The following CADM2 variants were observed in gnomAD, a reference collection of about 807,000 sequenced individuals.
The protein encoded by CADM2 is cell adhesion molecule 2.
CADM2 carries 12 observed loss-of-function variants against 49.8 expected under a neutral mutation model. The observed-to-expected ratio is 0.24, with a 90% confidence interval of 0.15 to 0.39. CADM2 has a LOEUF of 0.39. CADM2 is among the 10% of genes least tolerant of loss of function. The probability of loss-of-function intolerance (pLI) is 1.00; values close to 1 mark genes in which losing one functional copy is unlikely to be tolerated. For missense variants in CADM2, 378 were observed against 492.3 expected (o/e 0.77, Z 2.20); for synonymous variants, 214 against 175.4 (o/e 1.22, Z -1.74).
At chr3:85,838,854 ATAAAGGT>A (rs1267589829) in intron 3 of CADM2, among the ~76,000 whole-genome samples, 2 of 151,840 alleles carry the variant, frequency 1.3e-5, no homozygotes, top group East Asian at 3.9e-4. Flanking sequence ...TCAAAGGTTA[ATAAAGGT>A]TTATTGTCCT....
At chr3:85,525,160 A>C (rs2061133274) in intron 1 of CADM2, among the ~76,000 whole-genome samples, 1 of 152,190 alleles carries the variant, frequency 6.6e-6, no homozygotes, top group African/African-American at 2.4e-5. Flanking sequence ...TATAGTAAAA[A>C]ATTAAAAAAT....
chr3:85,495,734 A>C (rs2039859886), intron 1 of CADM2, among the ~76,000 whole-genome samples: 2 of 151,968 alleles, frequency 1.3e-5, no homozygotes. Flanking sequence ...GGGAGCATGC[A>C]TGTCACATGG....
At chr3:85,638,922 G>A (rs927794514) in intron 1 of CADM2, among the ~76,000 whole-genome samples, 1 of 151,888 alleles carries the variant, frequency 6.6e-6, no homozygotes, top group Non-Finnish European at 1.5e-5. Context: ...TTCTGTTTTT[G>A]TTTTGTTTTG....
chr3:85,048,052 A>C (rs1186516737), intron 1 of CADM2, among the ~76,000 whole-genome samples: 4 of 152,162 alleles, frequency 2.6e-5, no homozygotes, highest in Non-Finnish European at 5.9e-5. Context: ...TTTCGGGAAA[A>C]GAAAAATAAA....
At chr3:85,355,513 G>A (rs2031782658) in intron 1 of CADM2, among the ~76,000 whole-genome samples, 1 of 152,066 alleles carries the variant, frequency 6.6e-6, no homozygotes, top group Non-Finnish European at 1.5e-5. Context: ...GTTAACAAGA[G>A]ATTTTCATTC....
At chr3:85,392,053 A>G (rs1669374879) in intron 1 of CADM2, among the ~76,000 whole-genome samples, 1 of 152,114 alleles carries the variant, frequency 6.6e-6, no homozygotes, top group Admixed American at 6.6e-5. Flanking sequence ...TGGGGATGTG[A>G]AGGAAAAATT....
intron 2 of CADM2, among the ~76,000 whole-genome samples, chr3:85,798,895 A>C (rs1447298512): frequency 6.6e-6 from 1 of 152,132 alleles, no homozygotes; most frequent in Non-Finnish European, 1.5e-5. Context: ...GATTCTTCCT[A>C]TCCATGAGCA....
intron 1 of CADM2, among the ~76,000 whole-genome samples, chr3:85,564,417 A>G (rs752086865): frequency 1.5e-4 from 23 of 152,088 alleles, no homozygotes; most frequent in Admixed American, 2.6e-4. Flanking sequence ...TAGCACGGGT[A>G]TTTATATGGC....
rs563075844 is a variant in CADM2 at position 85,072,108 on chromosome 3, T to C, written c.61+112440T>C. ...AACTGGGTAATCTTCAATTATTAAA[T>C]GATTATTTCCAAATAATAAGATTTA... On this transcript the variant is annotated intron_variant, in intron 1 of 9. Coordinates refer to ENST00000383699, the MANE Select transcript of CADM2 (RefSeq NM_001167675.2). Among the ~76,000 whole-genome samples the C allele has an allele frequency of 1.4e-3, 217 of 151,822 alleles. 1 individual carries two copies. Among genetic ancestry groups the C allele is most frequent in the African/African-American group, 4.7e-3 (197 of 41,538 alleles).
intron 1 of CADM2, among the ~76,000 whole-genome samples, chr3:85,122,848 T>C (rs550807160): frequency 2.0e-5 from 3 of 152,100 alleles, no homozygotes; most frequent in Non-Finnish European, 4.4e-5. Context: ...TTCCATTGTA[T>C]GGCTCTTATT....
intron 1 of CADM2, among the ~76,000 whole-genome samples, chr3:85,658,576 G>GTATATATATATATATATATA (rs397990421): frequency 2.9e-5 from 2 of 68,754 alleles, no homozygotes; most frequent in Admixed American, 1.9e-4. Context: ...GGATATATGT[G>GTATATATATATATATATATA]TATATATATA....
chr3:85,457,178 T>C (rs2038029791), intron 1 of CADM2, among the ~76,000 whole-genome samples: 2 of 152,120 alleles, frequency 1.3e-5, no homozygotes, highest in South Asian at 4.1e-4. Context: ...TTTGGGAGGC[T>C]GAGGCAGGTG....
At chr3:85,658,138 C>T (rs2065268668) in intron 1 of CADM2, among the ~76,000 whole-genome samples, 1 of 152,022 alleles carries the variant, frequency 6.6e-6, no homozygotes, top group South Asian at 2.1e-4. Context: ...ATTCCATTCA[C>T]ACAGGAAGCA....
chr3:85,385,888 A>G (rs2034201404), intron 1 of CADM2: 1 of 151,310 alleles, frequency 6.6e-6, no homozygotes, highest in African/African-American at 2.4e-5. Context: ...TTATTCTGAA[A>G]AAGTTTCTAC....
intron 1 of CADM2, among the ~76,000 whole-genome samples, chr3:85,602,788 G>T (rs1269444405): frequency 3.3e-5 from 5 of 151,726 alleles, no homozygotes; most frequent in African/African-American, 1.2e-4. Flanking sequence ...ACTGGCAGAG[G>T]TGTTCATTCA....
At chr3:85,391,215 A>C (rs907943523) in intron 1 of CADM2, among the ~76,000 whole-genome samples, 3 of 152,060 alleles carry the variant, frequency 2.0e-5, no homozygotes, top group African/African-American at 7.2e-5. Context: ...TCTAGATCTT[A>C]ATGCATTGAT....
intron 3 of CADM2, among the ~76,000 whole-genome samples, chr3:85,822,985 T>C (rs561649895): frequency 5.3e-4 from 80 of 152,294 alleles, no homozygotes; most frequent in African/African-American, 1.9e-3. Flanking sequence ...GCAAAGCATG[T>C]TGCATTCATT....
At chr3:85,632,091 C>T (rs182372536) in intron 1 of CADM2, among the ~76,000 whole-genome samples, 2 of 152,184 alleles carry the variant, frequency 1.3e-5, no homozygotes, top group African/African-American at 4.8e-5. Flanking sequence ...CCATGATTCT[C>T]ATGTGTGGTG....
intron 1 of CADM2, among the ~76,000 whole-genome samples, chr3:85,389,584 T>C (rs1173025720): frequency 6.6e-6 from 1 of 152,156 alleles, no homozygotes; most frequent in Non-Finnish European, 1.5e-5. Flanking sequence ...CCAATCTCTC[T>C]GATCAAAAGA....
Sources: allele counts gnomAD v4.1 joint callset (sites outside exome capture counted in the v4.1 genomes callset), GRCh38; gene constraint gnomAD v4.1.1; transcripts MANE v1.5; gene names NCBI Gene and HGNC (gene_info 2026-07-23, HGNC 2026-07-21).